The following SPAG16 variants were observed in gnomAD, a reference collection of about 807,000 sequenced individuals.
SPAG16 encodes the protein sperm associated antigen 16.
Under a neutral mutation model 80.4 loss-of-function variants are expected in SPAG16, and 86 were observed. The ratio of observed to expected loss-of-function variants is 1.07; its 90% CI spans 0.90 to 1.28. The LOEUF (loss-of-function observed/expected upper bound fraction) is 1.28. Among genes scored for constraint, SPAG16 ranks in the 50% most tolerant of loss-of-function variants. The pLI is 0.00. For synonymous variants in SPAG16, 294 were observed against 265.9 expected (o/e 1.11, Z -1.03); for missense variants, 870 against 765.3 (o/e 1.14, Z -1.61).
chr2:213,765,935 G>A (rs191648415), intron 10 of SPAG16, among the ~76,000 whole-genome samples: 37 of 152,322 alleles, frequency 2.4e-4, no homozygotes, highest in Admixed American at 3.9e-4. Flanking sequence ...CTCAGTAAAC[G>A]AGAACAGGCC....
chr2:213,891,894 C>T (rs1162446957), intron 11 of SPAG16, among the ~76,000 whole-genome samples: 2 of 152,106 alleles, frequency 1.3e-5, no homozygotes, highest in Non-Finnish European at 2.9e-5. Flanking sequence ...AGATGGACAA[C>T]CATCTTCCCC....
At chr2:213,853,083 G>A (rs1575356378) in intron 10 of SPAG16, among the ~76,000 whole-genome samples, 1 of 152,132 alleles carries the variant, frequency 6.6e-6, no homozygotes, top group East Asian at 1.9e-4. Flanking sequence ...CACACATTTT[G>A]ATACGGATTT....
At chr2:213,982,648 T>TGTGA (rs1322839554) in intron 12 of SPAG16, among the ~76,000 whole-genome samples, 4 of 149,182 alleles carry the variant, frequency 2.7e-5, no homozygotes, top group African/African-American at 7.5e-5. Context: ...TGTGTGTGTG[T>TGTGA]GAAAGACAGA....
intron 4 of SPAG16, among the ~76,000 whole-genome samples, chr2:213,313,316 G>A (rs1428190983): frequency 2.0e-5 from 3 of 151,612 alleles, no homozygotes; most frequent in African/African-American, 7.3e-5. Context: ...TAAATATGAG[G>A]GATTTAAAAA....
At chr2:213,891,459 A>T (rs1559557382) in intron 11 of SPAG16, among the ~76,000 whole-genome samples, 1 of 152,184 alleles carries the variant, frequency 6.6e-6, no homozygotes, top group Non-Finnish European at 1.5e-5. Flanking sequence ...CTGACCCTAC[A>T]CTGACAATAA....
intron 15 of SPAG16, among the ~76,000 whole-genome samples, chr2:214,336,698 G>A (rs1697313246): frequency 6.6e-6 from 1 of 151,742 alleles, no homozygotes; most frequent in Admixed American, 6.6e-5. Context: ...TAAAGGCTGA[G>A]GTGAGAGTTA....
chr2:213,949,202 G>GTCTC (rs60506175), intron 12 of SPAG16, among the ~76,000 whole-genome samples: 113,332 of 116,654 alleles, frequency 0.97, 55,192 homozygotes, highest in Non-Finnish European at 1. Flanking sequence ...TTGAGGTAGA[G>GTCTC]TCTCTGTCAC....
intron 15 of SPAG16, among the ~76,000 whole-genome samples, chr2:214,348,874 A>G: frequency 6.6e-6 from 1 of 152,236 alleles, no homozygotes; most frequent in East Asian, 1.9e-4. Flanking sequence ...TTTGTTACAC[A>G]GTGATACATA....
intron 12 of SPAG16, among the ~76,000 whole-genome samples, chr2:213,982,772 A>AAC (rs2045823710): frequency 6.6e-6 from 1 of 152,010 alleles, no homozygotes; most frequent in South Asian, 2.1e-4. Flanking sequence ...GACAATTGGA[A>AAC]AGTTAACCTT....
chr2:213,545,650 C>A (rs570116335), intron 10 of SPAG16, among the ~76,000 whole-genome samples: 1 of 152,122 alleles, frequency 6.6e-6, no homozygotes, highest in East Asian at 1.9e-4. Context: ...CTGCTTGTAT[C>A]ACTTCTGCTT....
chr2:214,389,734 A>G (rs1574485494), intron 15 of SPAG16, among the ~76,000 whole-genome samples: 2 of 152,358 alleles, frequency 1.3e-5, no homozygotes, highest in Non-Finnish European at 2.9e-5. Context: ...TCCCAATGCC[A>G]ATTTTTTGAA....
intron 15 of SPAG16, among the ~76,000 whole-genome samples, chr2:214,325,054 T>A (rs530807224): frequency 6.6e-6 from 1 of 152,322 alleles, no homozygotes; most frequent in South Asian, 2.1e-4. Context: ...GAAATAAGTT[T>A]AGCTTCCCAA....
intron 5 of SPAG16, among the ~76,000 whole-genome samples, chr2:213,326,565 T>C (rs1305304284): frequency 6.6e-6 from 1 of 151,966 alleles, no homozygotes; most frequent in African/African-American, 2.4e-5. Context: ...ATTTTGGCCA[T>C]CCAACAGTTA....
chr2:213,289,556 C>G (rs953223140), intron 1 of SPAG16, among the ~76,000 whole-genome samples: 6 of 152,156 alleles, frequency 3.9e-5, no homozygotes, highest in African/African-American at 1.4e-4. Context: ...CACAAGCATG[C>G]CAGCTACCTT....
intron 15 of SPAG16, among the ~76,000 whole-genome samples, chr2:214,330,385 A>T (rs931445659): frequency 6.6e-6 from 1 of 152,202 alleles, no homozygotes; most frequent in African/African-American, 2.4e-5. Context: ...AAGATAAATT[A>T]GGAAATGGAA....
intron 10 of SPAG16, among the ~76,000 whole-genome samples, chr2:213,574,658 TG>T (rs2060053019): frequency 6.9e-6 from 1 of 144,364 alleles, no homozygotes; most frequent in African/African-American, 2.7e-5. Flanking sequence ...ATCATATATA[TG>T]ATATATGATA....
At chr2:214,244,156 AT>A (rs1339701012) in intron 15 of SPAG16, among the ~76,000 whole-genome samples, 1 of 152,098 alleles carries the variant, frequency 6.6e-6, no homozygotes, top group Non-Finnish European at 1.5e-5. Context: ...ATTATAAAAA[AT>A]ACTGAAAAAT....
At chr2:213,374,034 C>T (rs547870945) in intron 8 of SPAG16, among the ~76,000 whole-genome samples, 5 of 152,222 alleles carry the variant, frequency 3.3e-5, no homozygotes, top group South Asian at 4.2e-4. Flanking sequence ...TTAGCACCTT[C>T]GGGGAGGACA....
intron 10 of SPAG16, among the ~76,000 whole-genome samples, chr2:213,541,864 G>A (rs983716066): frequency 2.0e-4 from 30 of 152,276 alleles, no homozygotes; most frequent in African/African-American, 6.5e-4. Flanking sequence ...CATAATTTAA[G>A]TCCTACCCAC....
Sources: gnomAD v4.1 joint callset for allele counts (sites outside exome capture counted in the v4.1 genomes callset) on GRCh38, gnomAD v4.1.1 for gene constraint, MANE v1.5 for transcripts, NCBI Gene and HGNC (gene_info 2026-07-23, HGNC 2026-07-21) for gene names.